EYS: variants seen among roughly 807,000 people sequenced by gnomAD.
EYS encodes EGF-like photoreceptor maintenance factor.
A neutral mutation model predicts 282.1 loss-of-function variants in EYS; 250 were observed. That is an observed-to-expected ratio of 0.89 (90% CI 0.80 to 0.98). The LOEUF (loss-of-function observed/expected upper bound fraction) is 0.98, where lower values mean the gene tolerates loss of function less well. Among genes scored for constraint, EYS ranks in the 50% least tolerant of loss-of-function variants. The pLI is 0.00. For synonymous variants in EYS, 1,355 were observed against 1,282.9 expected (o/e 1.06, Z -1.20); for missense variants, 4,016 against 3,709.0 (o/e 1.08, Z -2.15).
rs73767125 is a variant in EYS, at chr6:64,847,233, T to C, written c.2993-24411A>G. ...GCAATACAAAATTCCCCTCTCTCTC[T>C]TCTCTCTCCTGCCATTCTCTCCATC... is the stretch of plus-strand genomic sequence containing the variant. On this transcript the variant is annotated intron_variant, in intron 19 of 42. Coordinates refer to ENST00000503581, the MANE Select transcript of EYS (RefSeq NM_001142800.2). Among the ~76,000 whole-genome samples, 1,428 of 152,044 alleles carry C rather than the reference T, an allele frequency of 9.4e-3. 21 individuals carry two copies. Among genetic ancestry groups the C allele is most frequent in the African/African-American group, 0.033 (1,359 of 41,510 alleles).
chr6:65,521,860 C>T (rs1021945819), intron 2 of EYS, among the ~76,000 whole-genome samples: 3 of 151,972 alleles, frequency 2.0e-5, no homozygotes, highest in African/African-American at 7.3e-5. Context: ...CCCAGTGTCT[C>T]GTAGGGTTCT....
At chr6:65,049,927 G>A (rs1442636966) in intron 13 of EYS, among the ~76,000 whole-genome samples, 1 of 151,460 alleles carries the variant, frequency 6.6e-6, no homozygotes, top group Admixed American at 6.6e-5. Flanking sequence ...TTATACTTAT[G>A]GTCAATTACA....
rs185999037 is a variant in EYS at position 64,101,237 on chromosome 6, A to G, written c.6425-19235T>C. On this transcript the variant is annotated intron_variant, in intron 31 of 42. Transcript: ENST00000503581. ...TTTTTAGTGGGAAGGTTTTCAGACT[A>G]TCTTCTGTGCCAACTGTCAAAAGTA... Among the ~76,000 whole-genome samples, 273 of 151,992 alleles carry G rather than the reference A, an allele frequency of 1.8e-3. 1 individual carries two copies. In the Middle Eastern group the frequency reaches 0.031, roughly 17 times the overall value.
intron 26 of EYS, among the ~76,000 whole-genome samples, chr6:64,504,209 C>T (rs1304416006): frequency 1.3e-5 from 2 of 152,158 alleles, no homozygotes; most frequent in Non-Finnish European, 2.9e-5. Flanking sequence ...TGAAATGGTA[C>T]ATTCTTGAAA....
At chr6:64,496,511 T>G (rs2150509068) in intron 26 of EYS, among the ~76,000 whole-genome samples, 1 of 152,140 alleles carries the variant, frequency 6.6e-6, no homozygotes, top group East Asian at 1.9e-4. Flanking sequence ...TTTATATTTT[T>G]TATTGTCATT....
intron 19 of EYS, among the ~76,000 whole-genome samples, chr6:64,880,425 A>C (rs1267226083): frequency 5.9e-5 from 9 of 151,964 alleles, no homozygotes; most frequent in African/African-American, 2.2e-4. Context: ...ATTACATAAA[A>C]ATGTAAATAT....
At chr6:64,394,780 T>A (rs879709211) in intron 28 of EYS, among the ~76,000 whole-genome samples, 68 of 152,040 alleles carry the variant, frequency 4.5e-4, no homozygotes, top group Non-Finnish European at 7.5e-4. Flanking sequence ...AATTGACAAA[T>A]GGGATCTAAT....
intron 22 of EYS, among the ~76,000 whole-genome samples, chr6:64,758,964 C>T (rs984463420): frequency 6.6e-5 from 10 of 152,190 alleles, no homozygotes; most frequent in African/African-American, 2.4e-4. Context: ...CGGTGAAACC[C>T]GGTCTCTACT....
intron 26 of EYS, among the ~76,000 whole-genome samples, chr6:64,545,952 T>C (rs1764846800): frequency 6.6e-6 from 1 of 152,130 alleles, no homozygotes; most frequent in African/African-American, 2.4e-5. Flanking sequence ...CTGCCCAAGG[T>C]AATTTATAGA....
At chr6:64,763,443 G>C (rs143629040) in intron 22 of EYS, among the ~76,000 whole-genome samples, 1 of 152,090 alleles carries the variant, frequency 6.6e-6, no homozygotes, top group Non-Finnish European at 1.5e-5. Flanking sequence ...GAGATCTCAT[G>C]AGAACTCACT....
At chr6:64,235,057 GTATTTT>G (rs1219345690) in intron 30 of EYS, among the ~76,000 whole-genome samples, 1 of 148,606 alleles carries the variant, frequency 6.7e-6, no homozygotes, top group Non-Finnish European at 1.5e-5. Context: ...TTTATTTTTT[GTATTTT>G]TATTTTTTAT....
intron 19 of EYS, among the ~76,000 whole-genome samples, chr6:64,832,688 T>G (rs1310550353): frequency 6.6e-6 from 1 of 151,954 alleles, no homozygotes; most frequent in Non-Finnish European, 1.5e-5. Flanking sequence ...TATCTTGATT[T>G]TGGTGACAGT....
intron 7 of EYS, among the ~76,000 whole-genome samples, chr6:65,394,958 T>A (rs1297206470): frequency 3.3e-5 from 5 of 152,182 alleles, no homozygotes; most frequent in Non-Finnish European, 7.3e-5. Context: ...TATCTTCTCC[T>A]GTCATAGTCA....
At chr6:65,126,330 C>A (rs1024988964) in intron 12 of EYS, among the ~76,000 whole-genome samples, 1 of 152,078 alleles carries the variant, frequency 6.6e-6, no homozygotes, top group Admixed American at 6.6e-5. Flanking sequence ...TCAAGTAAAA[C>A]TTGAGAAATA....
chr6:65,431,206 T>A (rs1400935111), intron 5 of EYS, among the ~76,000 whole-genome samples: 1 of 152,194 alleles, frequency 6.6e-6, no homozygotes, highest in African/African-American at 2.4e-5. Context: ...TTTTGTTAAT[T>A]GACCTGTCAG....
rs1773703238 is a variant in EYS, at chr6:65,065,035, TC to T, written c.2024-7309del. Among the ~76,000 whole-genome samples, 3 of 152,080 alleles carry T rather than the reference TC, an allele frequency of 2.0e-5. No homozygotes were observed. In the South Asian group the frequency reaches 6.2e-4, roughly 32 times the overall value. On this transcript the variant is annotated intron_variant, in intron 12 of 42. Coordinates refer to ENST00000503581, the MANE Select transcript of EYS (RefSeq NM_001142800.2). ...GTGGCAGGCTGACTTGAGATCTGAT[TC>T]TTTGTGTGAGTAAGCCACCAGGAAA...
chr6:64,587,784 G>T lies in EYS; in HGVS notation c.5644+2439C>A, dbSNP rs536169998. On this transcript the variant is annotated intron_variant, in intron 26 of 42. Transcript: ENST00000503581. Reference sequence around the variant, plus strand: ...ATTGTGTAAAACAATTTTAAAAGAAGAAAATACTATAGTAACCAAGACAGT... The same window carrying T: ...ATTGTGTAAAACAATTTTAAAAGAATAAAATACTATAGTAACCAAGACAGT... Among the ~76,000 whole-genome samples the T allele has an allele frequency of 8.6e-5, 13 of 152,020 alleles. No homozygotes were observed. In the South Asian group the frequency reaches 2.7e-3, roughly 31 times the overall value.
At chr6:64,958,245 G>A (rs1352620554) in intron 14 of EYS, among the ~76,000 whole-genome samples, 1 of 151,976 alleles carries the variant, frequency 6.6e-6, no homozygotes, top group East Asian at 1.9e-4. Context: ...GGCTGGGTGC[G>A]GTGGCTCAGG....
intron 2 of EYS, among the ~76,000 whole-genome samples, chr6:65,502,838 A>G (rs1766505196): frequency 6.6e-6 from 1 of 151,656 alleles, no homozygotes; most frequent in South Asian, 2.1e-4. Context: ...CAGAAGTAAA[A>G]TCTTCTTTAA....
Sources: gnomAD v4.1 joint callset for allele counts (sites outside exome capture counted in the v4.1 genomes callset) on GRCh38, gnomAD v4.1.1 for gene constraint, MANE v1.5 for transcripts, NCBI Gene and HGNC (gene_info 2026-07-23, HGNC 2026-07-21) for gene names.